GRM8: variants seen among roughly 807,000 people sequenced by gnomAD.
The protein encoded by GRM8 is metabotropic glutamate receptor 8.
GRM8 carries 47 observed loss-of-function variants against 87.2 expected under a neutral mutation model. That is an observed-to-expected ratio of 0.54 (90% CI 0.43 to 0.69). The LOEUF is 0.69. Among genes scored for constraint, GRM8 ranks in the 30% least tolerant of loss-of-function variants. The pLI, the probability that GRM8 is intolerant of heterozygous loss-of-function variation, is 0.00. For missense variants in GRM8, 1,019 were observed against 1,139.2 expected, an observed-to-expected ratio of 0.89 and a Z score of 1.52; for synonymous variants, 396 against 404.5, an observed-to-expected ratio of 0.98 and a Z score of 0.25.
At chr7:127,042,075 T>G (rs1317819781) in intron 3 of GRM8, among the ~76,000 whole-genome samples, 1 of 152,190 alleles carries the variant, frequency 6.6e-6, no homozygotes, top group African/African-American at 2.4e-5. Context: ...AGAGAGGTCC[T>G]GTGATACTTT....
chr7:126,876,495 T>C (rs1377946998), intron 6 of GRM8, among the ~76,000 whole-genome samples: 1 of 152,122 alleles, frequency 6.6e-6, no homozygotes, highest in African/African-American at 2.4e-5. Context: ...GATAGGAAAA[T>C]CTGTCTTTGC....
chr7:126,899,739 T>TC (rs919111395), intron 6 of GRM8, among the ~76,000 whole-genome samples: 1 of 150,966 alleles, frequency 6.6e-6, no homozygotes, highest in Non-Finnish European at 1.5e-5. Context: ...TATCCCTTCT[T>TC]TTTTTTTTTC....
intron 9 of GRM8, among the ~76,000 whole-genome samples, chr7:126,488,832 T>C (rs934071250): frequency 3.3e-5 from 5 of 152,118 alleles, no homozygotes; most frequent in Non-Finnish European, 5.9e-5. Flanking sequence ...ATGATGATAA[T>C]ATCTTGAATT....
intron 7 of GRM8, among the ~76,000 whole-genome samples, chr7:126,644,196 A>T (rs1004052071): frequency 1.1e-4 from 16 of 152,246 alleles, no homozygotes; most frequent in African/African-American, 3.9e-4. Context: ...AATGAAGTTT[A>T]ATATTAAAAT....
At chr7:127,187,423 T>C (rs1346008451) in intron 2 of GRM8, among the ~76,000 whole-genome samples, 2 of 152,020 alleles carry the variant, frequency 1.3e-5, no homozygotes, top group African/African-American at 4.8e-5. Flanking sequence ...TTTTTTAACA[T>C]CTAAATTGAA....
intron 9 of GRM8, among the ~76,000 whole-genome samples, chr7:126,456,260 A>G (rs960105056): frequency 6.6e-6 from 1 of 151,464 alleles, no homozygotes; most frequent in African/African-American, 2.4e-5. Flanking sequence ...AAGCACATTG[A>G]CATATGTCCA....
intron 8 of GRM8, among the ~76,000 whole-genome samples, chr7:126,556,909 T>C (rs1038332493): frequency 3.9e-5 from 6 of 152,232 alleles, no homozygotes; most frequent in Non-Finnish European, 8.8e-5. Context: ...TCCATTGGTG[T>C]CTTTAGTTTT....
At chr7:126,558,874 T>C (rs1485002154) in intron 8 of GRM8, among the ~76,000 whole-genome samples, 1 of 152,078 alleles carries the variant, frequency 6.6e-6, no homozygotes, top group Non-Finnish European at 1.5e-5. Context: ...AAAGATACAT[T>C]GCAAAGACCA....
chr7:126,740,396 G>C (rs550600800), intron 7 of GRM8, among the ~76,000 whole-genome samples: 1 of 152,170 alleles, frequency 6.6e-6, no homozygotes, highest in African/African-American at 2.4e-5. Context: ...ACAGTACGAA[G>C]ACAGAAAATA....
intron 9 of GRM8, among the ~76,000 whole-genome samples, chr7:126,485,984 T>C (rs1487932500): frequency 1.3e-5 from 2 of 152,032 alleles, no homozygotes; most frequent in Non-Finnish European, 2.9e-5. Context: ...GTCACGTACC[T>C]CTACACTTGA....
intron 9 of GRM8, among the ~76,000 whole-genome samples, chr7:126,497,823 T>C (rs1240722770): frequency 6.6e-6 from 1 of 151,880 alleles, no homozygotes; most frequent in African/African-American, 2.4e-5. Context: ...AGTGCCCTAT[T>C]ATAAAACGGA....
intron 7 of GRM8, among the ~76,000 whole-genome samples, chr7:126,625,515 A>T (rs1361782007): frequency 1.5e-5 from 2 of 136,748 alleles, no homozygotes; most frequent in Admixed American, 7.2e-5. Context: ...TCTATCAAAA[A>T]ACTGAGATAA....
chr7:127,212,503 C>T (rs370320058), intron 2 of GRM8, among the ~76,000 whole-genome samples: 4 of 147,790 alleles, frequency 2.7e-5, no homozygotes, highest in South Asian at 2.2e-4. Context: ...CTGCAAGCTC[C>T]GCCTCCCGGG....
chr7:126,889,887 T>C (rs188327761), intron 6 of GRM8, among the ~76,000 whole-genome samples: 21 of 152,212 alleles, frequency 1.4e-4, no homozygotes, highest in Admixed American at 1.1e-3. Context: ...TTATATTTAA[T>C]ACATTGTATT....
intron 3 of GRM8, among the ~76,000 whole-genome samples, chr7:127,048,969 T>C (rs987051090): frequency 2.0e-5 from 3 of 152,190 alleles, no homozygotes; most frequent in African/African-American, 7.2e-5. Flanking sequence ...TTGCTTCAAA[T>C]AAACCTATAG....
At chr7:126,793,549 C>T (rs10238025) in intron 6 of GRM8, among the ~76,000 whole-genome samples, 4 of 152,118 alleles carry the variant, frequency 2.6e-5, no homozygotes, top group Non-Finnish European at 5.9e-5. Flanking sequence ...TTATATAAAC[C>T]TGATTTCCTA....
chr7:126,787,198 G>A lies in GRM8; in HGVS notation c.1157-17133C>T, dbSNP rs146751885. Among the ~76,000 whole-genome samples, 72 of 152,290 alleles carry A rather than the reference G, an allele frequency of 4.7e-4. 1 individual carries two copies. Among genetic ancestry groups the A allele is most frequent in the African/African-American group, 1.6e-3 (66 of 41,564 alleles). Reference sequence around the variant, plus strand: ...TAATGCCCGGGTGTGACCACTCTGAGTGCATTTTGTCAACATGTTATCACT... The same window carrying A: ...TAATGCCCGGGTGTGACCACTCTGAATGCATTTTGTCAACATGTTATCACT... On this transcript the variant is annotated intron_variant, in intron 6 of 10. Coordinates refer to ENST00000339582, the MANE Select transcript of GRM8 (RefSeq NM_000845.3).
At chr7:126,636,853 T>A (rs1223726188) in intron 7 of GRM8, among the ~76,000 whole-genome samples, 2 of 152,110 alleles carry the variant, frequency 1.3e-5, no homozygotes, top group Non-Finnish European at 2.9e-5. Flanking sequence ...TATCTTTCAA[T>A]AATATACAAC....
intron 2 of GRM8, among the ~76,000 whole-genome samples, chr7:127,216,517 CA>C (rs58730624): frequency 0.26 from 16,153 of 62,244 alleles, 553 homozygotes; most frequent in African/African-American, 0.4. Flanking sequence ...GACTCCGTCT[CA>C]AAAAAAAAAA....
Sources: allele counts gnomAD v4.1 joint callset (sites outside exome capture counted in the v4.1 genomes callset), GRCh38; gene constraint gnomAD v4.1.1; transcripts MANE v1.5; gene names NCBI Gene and HGNC (gene_info 2026-07-23, HGNC 2026-07-21).